USP25: variants seen among roughly 807,000 people sequenced by gnomAD.
USP25 encodes the protein ubiquitin carboxyl-terminal hydrolase 25.
USP25 carries 85 observed loss-of-function variants against 158.5 expected under a neutral mutation model. The ratio of observed to expected loss-of-function variants is 0.54; its 90% CI spans 0.45 to 0.64. The LOEUF (loss-of-function observed/expected upper bound fraction) is 0.64. USP25 is among the 30% of genes least tolerant of loss of function. USP25 has a pLI of 0.00. For missense variants in USP25, 1,242 were observed against 1,327.3 expected, an observed-to-expected ratio of 0.94 and a Z score of 1.00; for synonymous variants, 464 against 460.4, an observed-to-expected ratio of 1.01 and a Z score of -0.10.
intron 17 of USP25, among the ~76,000 whole-genome samples, chr21:15,835,875 T>C (rs2038041139): frequency 1.3e-5 from 2 of 152,212 alleles, no homozygotes; most frequent in African/African-American, 2.4e-5. Flanking sequence ...ATTACTGTTA[T>C]CTTTGAGATT....
chr21:15,780,015 CAT>C (rs938684308), intron 4 of USP25, among the ~76,000 whole-genome samples: 3 of 152,098 alleles, frequency 2.0e-5, no homozygotes, highest in African/African-American at 7.2e-5. Context: ...TATATTTGCT[CAT>C]ATGGGTTTAT....
intron 20 of USP25, among the ~76,000 whole-genome samples, chr21:15,862,112 A>G (rs939286590): frequency 4.6e-5 from 7 of 152,144 alleles, no homozygotes; most frequent in Non-Finnish European, 7.4e-5. Context: ...TAAACCTGCA[A>G]TATTAATTTA....
chr21:15,768,957 A>G (rs572559830), intron 3 of USP25, among the ~76,000 whole-genome samples: 60 of 152,138 alleles, frequency 3.9e-4, no homozygotes, highest in Non-Finnish European at 7.8e-4. Flanking sequence ...CGAAATCTCT[A>G]ATACCAAATA....
intron 4 of USP25, among the ~76,000 whole-genome samples, chr21:15,788,164 T>G (rs147507816): frequency 1.3e-5 from 2 of 152,132 alleles, no homozygotes; most frequent in Non-Finnish European, 2.9e-5. Flanking sequence ...TCTCTGAAAT[T>G]TGCCTTTTTT....
chr21:15,811,150 C>A lies in USP25; in HGVS notation c.871C>A (p.Pro291Thr), dbSNP rs1472578355. 4 of 1,612,046 alleles carry A rather than the reference C, an allele frequency of 2.5e-6. No homozygotes were observed. In the East Asian group the frequency reaches 8.9e-5, roughly 36 times the overall value. ...KAEEETDEEK[P>T]KNPMVELFYG... ...AACATACTTTAGGGATGAAGAGAAGCCAAAGAACCCCATGGTAGAGTTGTT... is the reference window on the plus strand; with the variant it reads ...AACATACTTTAGGGATGAAGAGAAGACAAAGAACCCCATGGTAGAGTTGTT... Residue 291 changes from proline (P) to threonine (T), a missense_variant, in exon 9 of 26, where the codon CCA becomes ACA. This residue lies in a region of USP25 where 627 missense variants were observed against 701.4 expected (regional missense o/e 0.89). Coordinates refer to ENST00000400183, the MANE Select transcript of USP25 (RefSeq NM_001283041.3).
chr21:15,825,404 A>G (rs1171584418), intron 12 of USP25, among the ~76,000 whole-genome samples: 2 of 152,178 alleles, frequency 1.3e-5, no homozygotes, highest in Non-Finnish European at 2.9e-5. Flanking sequence ...TTTTCTCCTT[A>G]AAACAGGATA....
intron 1 of USP25, among the ~76,000 whole-genome samples, chr21:15,745,451 ATTTTCT>A (rs1167438680): frequency 2.2e-4 from 28 of 126,694 alleles, no homozygotes; most frequent in African/African-American, 4.1e-4. Flanking sequence ...TACTTTAACC[ATTTTCT>A]TTTTCTTTTT....
chr21:15,762,784 T>G (rs1158612835), intron 1 of USP25, 107 bp from the exon 2 acceptor site: 13 of 1,002,144 alleles, frequency 1.3e-5, no homozygotes, highest in Non-Finnish European at 1.8e-5. Context: ...TAGTTTACTT[T>G]ATTCTGTTTT....
chr21:15,827,576 C>T (rs766104449), intron 14 of USP25, among the ~76,000 whole-genome samples: 2 of 151,920 alleles, frequency 1.3e-5, no homozygotes, highest in Non-Finnish European at 2.9e-5. Context: ...CAGGGAGTTC[C>T]GGTGATTAAA....
Position 15,857,160 on chromosome 21 carries a change from A to G in USP25, c.2548-7108A>G, listed in dbSNP as rs17209565. On this transcript the variant is annotated intron_variant, in intron 20 of 25. Coordinates refer to ENST00000400183, the MANE Select transcript of USP25 (RefSeq NM_001283041.3). ...CAGAACCAGTTTATTCACTTATATG[A>G]GAAGTTATCTTGAGAATTAAATGAG... Among the ~76,000 whole-genome samples the G allele has an allele frequency of 2.2e-3, 339 of 152,328 alleles. 1 individual carries two copies. Among genetic ancestry groups the G allele is most frequent in the Non-Finnish European group, 3.9e-3 (263 of 68,022 alleles).
intron 23 of USP25, among the ~76,000 whole-genome samples, chr21:15,872,285 G>A (rs2039928293): frequency 1.3e-5 from 2 of 152,004 alleles, no homozygotes; most frequent in Admixed American, 1.3e-4. Context: ...TAATTGGACT[G>A]CTAAATCTTA....
At chr21:15,740,733 A>T (rs2031974669) in intron 1 of USP25, among the ~76,000 whole-genome samples, 1 of 142,162 alleles carries the variant, frequency 7.0e-6, no homozygotes, top group Admixed American at 7.9e-5. Flanking sequence ...TGTGGGGGCT[A>T]ACCATAGCAT....
chr21:15,864,463 A>C lies in USP25; in HGVS notation c.2726+17A>C. The C allele has an allele frequency of 6.3e-7, 1 of 1,580,496 alleles. No individual in the cohort carries two copies. The highest frequency in any genetic ancestry group is 8.6e-7 in the Non-Finnish European group (1 of 1,167,062). On this transcript the variant is annotated intron_variant, in intron 21 of 25. Coordinates refer to ENST00000400183, the MANE Select transcript of USP25 (RefSeq NM_001283041.3). ...TGATGAAAGGTAATTTGAAAGTATAAAATTCATATGCTCAAATCGTTCTTT... is the reference window on the plus strand; with the variant it reads ...TGATGAAAGGTAATTTGAAAGTATACAATTCATATGCTCAAATCGTTCTTT...
At chr21:15,801,461 T>C (rs989902435) in intron 6 of USP25, among the ~76,000 whole-genome samples, 1 of 151,542 alleles carries the variant, frequency 6.6e-6, no homozygotes, top group African/African-American at 2.4e-5. Flanking sequence ...GACAATTACT[T>C]AGAATACTGT....
Position 15,875,760 on chromosome 21 carries a change from G to A in USP25, c.3009+1234G>A, listed in dbSNP as rs1381924190. Among the ~76,000 whole-genome samples, 1 of 152,224 alleles carries A rather than the reference G, an allele frequency of 6.6e-6. No homozygotes were observed. Among genetic ancestry groups the A allele is most frequent in the African/African-American group, 2.4e-5 (1 of 41,466 alleles). On this transcript the variant is annotated intron_variant, in intron 24 of 25. Coordinates refer to ENST00000400183, the MANE Select transcript of USP25 (RefSeq NM_001283041.3). This position sits in a 1 kb window ranked among gnomAD's most constrained non-coding sequence, Gnocchi z 4.7. ...TATGAGGAAGTGGGGTAAGGTGGAA[G>A]TGATGAAGCTGACAATACTTGTCGA... is the stretch of plus-strand genomic sequence containing the variant.
In USP25 at chr21:15,847,757, A is replaced by AG. The variant is rs756067288; in HGVS notation, c.2439dup (p.Tyr814ValfsTer2). 138 of 1,549,172 alleles carry AG rather than the reference A, an allele frequency of 8.9e-5. 1 individual carries two copies. In the East Asian group the frequency reaches 1.5e-3, roughly 17 times the overall value. On this transcript the variant is annotated frameshift_variant, in exon 19 of 26. Transcript: ENST00000400183. LOFTEE classifies it high-confidence loss of function. ...GGGAAATTTATGATTGAATCAAAGG[A>AG]GGGGGGGTATGATGACGAGGTACCT...
At position 15,826,453 on chromosome 21, in the gene USP25, T is replaced by C. The variant is rs2037508194; in HGVS notation, c.1466+88T>C. The C allele has an allele frequency of 4.1e-6, 6 of 1,467,588 alleles. No individual in the cohort carries two copies. Among genetic ancestry groups the C allele is most frequent in the Non-Finnish European group, 4.7e-6 (5 of 1,070,322 alleles). 90.9% of individuals were successfully genotyped at this position (1,467,588 alleles called of 1,614,324 possible). On this transcript the variant is annotated intron_variant, in intron 13 of 25. Coordinates refer to ENST00000400183, the MANE Select transcript of USP25 (RefSeq NM_001283041.3). This position sits in a 1 kb window ranked among gnomAD's most constrained non-coding sequence, Gnocchi z 4.8. ...GCCTTTAAAGACAGTTTCTATAAAA[T>C]GTATGCTTTGATTTACTTCAGTGAA...
chr21:15,739,741 AT>A (rs992596355), intron 1 of USP25, among the ~76,000 whole-genome samples: 5 of 152,098 alleles, frequency 3.3e-5, no homozygotes, highest in African/African-American at 1.2e-4. Context: ...ATAATCACTG[AT>A]TTTTGTTATG....
intron 6 of USP25, among the ~76,000 whole-genome samples, chr21:15,802,160 C>G (rs1284811284): frequency 4.0e-5 from 6 of 151,306 alleles, no homozygotes; most frequent in Non-Finnish European, 8.9e-5. Flanking sequence ...ATAGCTAAAG[C>G]CTTATTAATT....
Sources: gnomAD v4.1 joint callset for allele counts (sites outside exome capture counted in the v4.1 genomes callset) on GRCh38, gnomAD v4.1.1 for gene constraint, gnomAD v4.1.1 regional missense constraint, Gnocchi (gnomAD v3.1) non-coding constraint, MANE v1.5 for transcripts, NCBI Gene and HGNC (gene_info 2026-07-23, HGNC 2026-07-21) for gene names.